Variants in ATP10B observed in about 807,000 individuals in gnomAD.
ATP10B encodes the protein ATPase phospholipid transporting 10B (putative), also known as phospholipid-transporting ATPase VB.
Under a neutral mutation model 141.2 loss-of-function variants are expected in ATP10B, and 122 were observed. The observed-to-expected ratio is 0.86, with a 90% confidence interval of 0.75 to 1.00. The LOEUF (loss-of-function observed/expected upper bound fraction) is 1.00. ATP10B is among the 50% of genes least tolerant of loss of function. The probability of loss-of-function intolerance (pLI) is 0.00; values close to 1 mark genes in which losing one functional copy is unlikely to be tolerated. For missense variants in ATP10B, 1,876 were observed against 1,825.3 expected, an observed-to-expected ratio of 1.03 and a Z score of -0.51; for synonymous variants, 685 against 692.0, an observed-to-expected ratio of 0.99 and a Z score of 0.16.
At chr5:160,821,079 G>C (rs905973655) in intron 1 of ATP10B, among the ~76,000 whole-genome samples, 1 of 152,060 alleles carries the variant, frequency 6.6e-6, no homozygotes, top group African/African-American at 2.4e-5. Context: ...AATTATCTTT[G>C]TTTGCAGATT....
chr5:160,719,815 A>G (rs903277411), intron 2 of ATP10B, among the ~76,000 whole-genome samples: 3 of 152,210 alleles, frequency 2.0e-5, no homozygotes, highest in Non-Finnish European at 4.4e-5. Context: ...CCATTTTCCA[A>G]TGAAGAAACT....
intron 2 of ATP10B, among the ~76,000 whole-genome samples, chr5:160,747,487 A>G (rs1468673994): frequency 1.3e-5 from 2 of 152,198 alleles, no homozygotes; most frequent in Admixed American, 6.5e-5. Flanking sequence ...GTCTTACTGG[A>G]TTAGGTAGAC....
intron 1 of ATP10B, among the ~76,000 whole-genome samples, chr5:160,786,690 T>C (rs1446387757): frequency 2.0e-5 from 3 of 152,194 alleles, no homozygotes; most frequent in Non-Finnish European, 2.9e-5. Context: ...TGAAGTTGTC[T>C]TCCACAAGGC....
chr5:160,656,767 A>G (rs536409706), intron 7 of ATP10B, among the ~76,000 whole-genome samples: 2 of 152,190 alleles, frequency 1.3e-5, no homozygotes, highest in African/African-American at 4.8e-5. Flanking sequence ...ATCTTAGACC[A>G]CTTTGAAATC....
At chr5:160,806,770 T>C (rs1400853830) in intron 1 of ATP10B, among the ~76,000 whole-genome samples, 1 of 152,226 alleles carries the variant, frequency 6.6e-6, no homozygotes, top group Non-Finnish European at 1.5e-5. Flanking sequence ...GAGTAACTTA[T>C]TCAAGGTCAC....
intron 1 of ATP10B, among the ~76,000 whole-genome samples, chr5:160,796,634 A>C (rs1272669534): frequency 2.6e-5 from 4 of 152,214 alleles, no homozygotes; most frequent in Non-Finnish European, 5.9e-5. Flanking sequence ...TCATTCCTCC[A>C]GGAGGGCATT....
the ATP10B span, among the ~76,000 whole-genome samples, chr5:160,888,161 G>A: frequency 6.6e-6 from 1 of 152,212 alleles, no homozygotes; most frequent in Non-Finnish European, 1.5e-5. Flanking sequence ...TGTACAAGAA[G>A]GGGTAATCCT....
chr5:160,622,601 C>G lies in ATP10B; in HGVS notation c.1621-16G>C. ...CATCTTTTTCCTGGAAGAGAAAGGC[C>G]AGAATGAGAGTCTTTTCTGGGAAGG... On this transcript the variant is annotated splice_polypyrimidine_tract_variant and intron_variant, in intron 13 of 25. Transcript: ENST00000327245. 2.5e-6 allele frequency: 4 copies of G among 1,603,438 alleles called. No homozygotes were observed. The highest frequency in any genetic ancestry group is 3.4e-6 in the Non-Finnish European group (4 of 1,174,624).
At chr5:160,587,369 G>T (rs763980635) in intron 24 of ATP10B, among the ~76,000 whole-genome samples, 9 of 152,156 alleles carry the variant, frequency 5.9e-5, no homozygotes, top group Non-Finnish European at 8.8e-5. Flanking sequence ...GTAGCATGAT[G>T]CCTCCAGTTT....
the ATP10B span, among the ~76,000 whole-genome samples, chr5:160,904,358 G>A: frequency 6.6e-6 from 1 of 152,062 alleles, no homozygotes; most frequent in African/African-American, 2.4e-5. Flanking sequence ...TTGCATTATA[G>A]GGCAACTGTG....
chr5:160,638,757 T>C (rs116550492), intron 10 of ATP10B, among the ~76,000 whole-genome samples: 1,600 of 152,320 alleles, frequency 0.011, 29 homozygotes, highest in African/African-American at 0.037. Context: ...CTGCTGCTCA[T>C]TGGTTTCGGG....
Position 160,652,915 on chromosome 5 carries a change from A to AAT in ATP10B, c.676-3660_676-3659insAT, listed in dbSNP as rs1561701856. ...TATATAATATATTATATATACATGT[A>AAT]TATATAATATATTATATATACATGT... On this transcript the variant is annotated intron_variant, in intron 7 of 25. Transcript: ENST00000327245. 1.9e-4 allele frequency among the ~76,000 whole-genome samples: 13 copies of AAT among 68,098 alleles called. 1 individual carries two copies. Among genetic ancestry groups the AAT allele is most frequent in the African/African-American group, 1.0e-3 (13 of 12,706 alleles). The allele number at this position is 68,098 out of a possible 152,430, so 44.7% of individuals were successfully genotyped here.
chr5:160,684,954 C>A, intron 6 of ATP10B: 1 of 703,340 alleles, frequency 1.4e-6, no homozygotes, highest in South Asian at 1.5e-5. Flanking sequence ...GTATCATGCT[C>A]ACCTCAGGCT....
At chr5:160,736,454 C>A (rs1284766670) in intron 2 of ATP10B, among the ~76,000 whole-genome samples, 1 of 152,046 alleles carries the variant, frequency 6.6e-6, no homozygotes, top group African/African-American at 2.4e-5. Context: ...GTAATAAGAT[C>A]AAAGCCATAA....
chr5:160,591,204 C>T (rs1756271096), intron 22 of ATP10B, 65 bp from the exon 23 acceptor site: 19 of 1,394,422 alleles, frequency 1.4e-5, no homozygotes, highest in Middle Eastern at 1.8e-4. Context: ...TTGCAAGCAA[C>T]TTTCTTGCAT....
the ATP10B span, among the ~76,000 whole-genome samples, chr5:160,864,390 T>TA: frequency 2.0e-5 from 3 of 151,966 alleles, no homozygotes; most frequent in Admixed American, 6.6e-5. Context: ...TTCTCTATGA[T>TA]AAAAAACCCT....
At chr5:160,899,621 AC>A in the ATP10B span, among the ~76,000 whole-genome samples, 1 of 152,178 alleles carries the variant, frequency 6.6e-6, no homozygotes, top group African/African-American at 2.4e-5. Context: ...GAGTTCTTGT[AC>A]TTTTTTCAGT....
intron 2 of ATP10B, among the ~76,000 whole-genome samples, chr5:160,781,455 G>A (rs1308813001): frequency 2.0e-5 from 3 of 152,084 alleles, no homozygotes; most frequent in African/African-American, 7.2e-5. Flanking sequence ...CTTTTGGTGG[G>A]CACAGAACTC....
intron 22 of ATP10B, among the ~76,000 whole-genome samples, chr5:160,591,476 A>G (rs549998525): frequency 1.6e-4 from 25 of 152,354 alleles, no homozygotes; most frequent in Non-Finnish European, 3.5e-4. Flanking sequence ...TGCCTAGCCA[A>G]GTACTCAGTT....
Sources: allele counts gnomAD v4.1 joint callset (sites outside exome capture counted in the v4.1 genomes callset), GRCh38; gene constraint gnomAD v4.1.1; transcripts MANE v1.5; gene names NCBI Gene and HGNC (gene_info 2026-07-23, HGNC 2026-07-21).